PCDH15: variants seen among roughly 807,000 people sequenced by gnomAD.
PCDH15 encodes protocadherin-15.
In PCDH15, 129 loss-of-function variants were observed where a neutral mutation model predicts 178.5. The ratio of observed to expected loss-of-function variants is 0.72; its 90% confidence interval spans 0.63 to 0.84. The LOEUF is 0.84. PCDH15 is among the 40% of genes least tolerant of loss of function. The pLI, the probability that PCDH15 is intolerant of heterozygous loss-of-function variation, is 0.00. For synonymous variants in PCDH15, 800 were observed against 732.0 expected, an observed-to-expected ratio of 1.09 and a Z score of -1.50; for missense variants, 2,230 against 2,099.9, an observed-to-expected ratio of 1.06 and a Z score of -1.21.
chr10:55,559,988 C>T (rs1206779110), intron 2 of PCDH15, among the ~76,000 whole-genome samples: 1 of 151,902 alleles, frequency 6.6e-6, no homozygotes, highest in Non-Finnish European at 1.5e-5. Context: ...CGCCTAGACT[C>T]ATACAACACT....
chr10:53,918,351 A>G (rs1464700875), intron 25 of PCDH15, among the ~76,000 whole-genome samples: 1 of 152,212 alleles, frequency 6.6e-6, no homozygotes, highest in Non-Finnish European at 1.5e-5. Flanking sequence ...GCCAGACTTC[A>G]TTCCCAGGCA....
At chr10:54,621,954 A>G (rs1354196712) in intron 2 of PCDH15, among the ~76,000 whole-genome samples, 1 of 152,070 alleles carries the variant, frequency 6.6e-6, no homozygotes, top group African/African-American at 2.4e-5. Context: ...TATTTTTTAA[A>G]TTAGCAAAGT....
intron 3 of PCDH15, among the ~76,000 whole-genome samples, chr10:54,496,456 A>C (rs2137272483): frequency 6.6e-6 from 1 of 152,322 alleles, no homozygotes; most frequent in Admixed American, 6.5e-5. Context: ...AAGATGGCAC[A>C]GTTGAAAGAG....
chr10:54,431,154 G>A (rs1173770160), intron 3 of PCDH15, among the ~76,000 whole-genome samples: 1 of 152,064 alleles, frequency 6.6e-6, no homozygotes, highest in Admixed American at 6.6e-5. Flanking sequence ...GGACCCAATA[G>A]CTTCACTGCT....
In PCDH15 at chr10:54,973,095, A is replaced by G. The variant is rs143240451; in HGVS notation, c.-79-75595T>C. ...AAAAATATAGAGAATACAAAAATCA[A>G]TCTATGATGCTATGTGAAAATGTGT... is the stretch of plus-strand genomic sequence containing the variant. On this transcript the variant is annotated intron_variant, in intron 2 of 5. Transcript: ENST00000458638. 1.4e-3 allele frequency among the ~76,000 whole-genome samples: 208 copies of G among 152,168 alleles called. 2 individuals carry two copies. The highest frequency in any genetic ancestry group is 4.9e-3 in the African/African-American group (203 of 41,554).
chr10:54,447,577 A>G (rs1444267355), intron 3 of PCDH15, among the ~76,000 whole-genome samples: 1 of 151,654 alleles, frequency 6.6e-6, no homozygotes, highest in Non-Finnish European at 1.5e-5. Flanking sequence ...TTTCCTTTTT[A>G]AGGCCCATTA....
intron 2 of PCDH15, among the ~76,000 whole-genome samples, chr10:55,159,804 T>C (rs1250125837): frequency 6.7e-6 from 1 of 148,668 alleles, no homozygotes; most frequent in Non-Finnish European, 1.5e-5. Flanking sequence ...AAAGATATAA[T>C]ATATATAAAA....
At chr10:54,276,272 T>G (rs2058347314) in intron 8 of PCDH15, among the ~76,000 whole-genome samples, 1 of 151,522 alleles carries the variant, frequency 6.6e-6, no homozygotes. Flanking sequence ...GTATCCAGAA[T>G]AAATAAGAAA....
intron 3 of PCDH15, among the ~76,000 whole-genome samples, chr10:54,521,021 A>G (rs1007514393): frequency 1.5e-5 from 2 of 135,546 alleles, no homozygotes; most frequent in African/African-American, 5.6e-5. Flanking sequence ...ATGAGAACAC[A>G]TGGACACAGG....
chr10:54,863,398 C>T (rs1437504007), intron 3 of PCDH15, among the ~76,000 whole-genome samples: 2 of 151,964 alleles, frequency 1.3e-5, no homozygotes, highest in African/African-American at 4.8e-5. Flanking sequence ...AAAAATTAGC[C>T]GGGCATGGTG....
chr10:54,879,158 C>T (rs1180778614), intron 3 of PCDH15, among the ~76,000 whole-genome samples: 7 of 150,886 alleles, frequency 4.6e-5, no homozygotes, highest in East Asian at 2.0e-4. Flanking sequence ...TAGAATACAA[C>T]GTAAAGAGCA....
intron 6 of PCDH15, among the ~76,000 whole-genome samples, chr10:54,338,818 A>G (rs1460911029): frequency 6.6e-6 from 1 of 152,136 alleles, no homozygotes; most frequent in Non-Finnish European, 1.5e-5. Context: ...TTATCACTTT[A>G]GGTCAAACTT....
intron 2 of PCDH15, among the ~76,000 whole-genome samples, chr10:54,627,035 A>C (rs1260530402): frequency 3.3e-5 from 5 of 152,214 alleles, no homozygotes; most frequent in Non-Finnish European, 5.9e-5. Context: ...TGGGGCCTGT[A>C]GCCCCTTTGC....
chr10:54,402,960 G>C (rs760402369), intron 3 of PCDH15, among the ~76,000 whole-genome samples: 1 of 151,968 alleles, frequency 6.6e-6, no homozygotes, highest in South Asian at 2.1e-4. Flanking sequence ...GCTTAATGAG[G>C]AAGGCATGTT....
intron 2 of PCDH15, among the ~76,000 whole-genome samples, chr10:54,538,366 G>T (rs1378512719): frequency 6.9e-6 from 1 of 145,088 alleles, no homozygotes; most frequent in African/African-American, 2.7e-5. Context: ...TTGAATAGGG[G>T]GTACTTTCCC....
At chr10:54,054,306 C>T (rs78225167) in intron 18 of PCDH15, among the ~76,000 whole-genome samples, 3,276 of 152,048 alleles carry the variant, frequency 0.022, 122 homozygotes, top group African/African-American at 0.074. Flanking sequence ...TTAGATGATA[C>T]TTTCAAAATC....
Position 55,397,640 on chromosome 10 carries a change from TG to T in PCDH15, c.-156+229984del, listed in dbSNP as rs1837961944. On this transcript the variant is annotated intron_variant, in intron 2 of 5. Transcript: ENST00000613346. ...CTCTGTCGCCCAGGCTGGAGTGCAG[TG>T]GCGTGATCTCGGCTCACTGCAACCT... 2.0e-5 allele frequency among the ~76,000 whole-genome samples: 3 copies of T among 152,134 alleles called. No individual in the cohort carries two copies. In the South Asian group the frequency reaches 6.2e-4, roughly 32 times the overall value.
intron 8 of PCDH15, among the ~76,000 whole-genome samples, chr10:54,269,411 C>A (rs1487798886): frequency 6.6e-6 from 1 of 151,822 alleles, no homozygotes; most frequent in Non-Finnish European, 1.5e-5. Flanking sequence ...TAGCAATGAT[C>A]TGCAAGGTGT....
intron 1 of PCDH15, among the ~76,000 whole-genome samples, chr10:55,316,183 A>C (rs549408619): frequency 6.6e-6 from 1 of 152,174 alleles, no homozygotes; most frequent in Non-Finnish European, 1.5e-5. Flanking sequence ...ACACCAATAC[A>C]TATGCTACTG....
Sources: gnomAD v4.1 joint callset for allele counts (sites outside exome capture counted in the v4.1 genomes callset) on GRCh38, gnomAD v4.1.1 for gene constraint, MANE v1.5 for transcripts, NCBI Gene and HGNC (gene_info 2026-07-23, HGNC 2026-07-21) for gene names.